EIF4E3: variants seen among roughly 807,000 people sequenced by gnomAD.
The protein encoded by EIF4E3 is eukaryotic translation initiation factor 4E family member 3.
EIF4E3 carries 26 observed loss-of-function variants against 31.7 expected under a neutral mutation model. The ratio of observed to expected loss-of-function variants is 0.82; its 90% CI spans 0.60 to 1.14. The LOEUF (loss-of-function observed/expected upper bound fraction) is 1.14. EIF4E3 is among the 50% of genes most tolerant of loss of function. The pLI is 0.00. For missense variants in EIF4E3, 304 were observed against 270.9 expected (o/e 1.12, Z -0.86); for synonymous variants, 128 against 107.7 (o/e 1.19, Z -1.17).
At chr3:71,721,366 T>C (rs2049545661) in intron 1 of EIF4E3, among the ~76,000 whole-genome samples, 1 of 152,104 alleles carries the variant, frequency 6.6e-6, no homozygotes, top group South Asian at 2.1e-4. Flanking sequence ...ATGGTGGTAA[T>C]GCTATGGAGA....
Position 71,725,203 on chromosome 3 carries a change from G to C in EIF4E3, c.165C>G (p.Phe55Leu). ...GGVPLHSSWT[F>L]WLDRSLPGAT... is the part of the protein sequence containing the mutation. The stretch of plus-strand genomic sequence containing the variant: ...CCGCGCCCCCTCACCTGTCGAGCCA[G>C]AAGGTCCAGGACGAGTGCAGCGGGA... The change falls in exon 1 of 7, where the codon TTC becomes TTG. Residue 55 changes from phenylalanine to leucine, a missense_variant. Coordinates refer to ENST00000425534, the MANE Select transcript of EIF4E3 (RefSeq NM_001134651.2). This position sits in a 1 kb window ranked among gnomAD's most constrained non-coding sequence, Gnocchi z 6.1. 8.9e-7 allele frequency: 1 copy of C among 1,124,790 alleles called. No individual in the cohort carries two copies. The highest frequency in any genetic ancestry group is 1.1e-6 in the Non-Finnish European group (1 of 916,180). The allele number at this position is 1,124,790 out of a possible 1,614,324, so 69.7% of individuals were successfully genotyped here. A position where few individuals can be genotyped will look rare whatever the true frequency, so the allele number is the denominator to read the frequency against.
chr3:71,716,164 C>T (rs1185581277), intron 1 of EIF4E3, among the ~76,000 whole-genome samples: 1 of 150,746 alleles, frequency 6.6e-6, no homozygotes, highest in Non-Finnish European at 1.5e-5. Context: ...GAATCCCTGG[C>T]AAAAAAAATA....
At chr3:71,713,188 G>C (rs995358195) in intron 1 of EIF4E3, among the ~76,000 whole-genome samples, 7 of 152,188 alleles carry the variant, frequency 4.6e-5, no homozygotes, top group African/African-American at 1.4e-4. Flanking sequence ...TATTTATGCA[G>C]CTGTCAATAT....
At chr3:71,746,476 A>G (rs939876205) in intron 1 of EIF4E3, among the ~76,000 whole-genome samples, 1 of 152,226 alleles carries the variant, frequency 6.6e-6, no homozygotes, top group Non-Finnish European at 1.5e-5. Context: ...CCTTATGCAC[A>G]TGATCATATG....
rs369665822 is a variant in EIF4E3 at position 71,675,670 on chromosome 3, A to T, written c.*9012T>A. 2.6e-5 allele frequency: 4 copies of T among 152,324 alleles called. No individual in the cohort carries two copies. The highest frequency in any genetic ancestry group is 9.6e-5 in the African/African-American group (4 of 41,580). The allele number at this position is 152,324 out of a possible 1,614,324, so 9.4% of individuals were successfully genotyped here. On this transcript the variant is annotated 3_prime_UTR_variant, in exon 7 of 7. Coordinates refer to ENST00000425534, the MANE Select transcript of EIF4E3 (RefSeq NM_001134651.2). Reference sequence around the variant, plus strand: ...TTGTGTGACCTTGAACGAATTCTTTATACTTTCTGGGTCATTTCTTCATCT... The same window carrying T: ...TTGTGTGACCTTGAACGAATTCTTTTTACTTTCTGGGTCATTTCTTCATCT...
the EIF4E3 span, among the ~76,000 whole-genome samples, chr3:71,669,640 C>A: frequency 1.3e-5 from 2 of 151,768 alleles, no homozygotes; most frequent in Non-Finnish European, 2.9e-5. Context: ...CAGAAATCTT[C>A]CCAGACTCTG....
intron 1 of EIF4E3, among the ~76,000 whole-genome samples, chr3:71,711,810 C>A (rs1461615671): frequency 2.0e-5 from 3 of 152,098 alleles, no homozygotes; most frequent in African/African-American, 7.2e-5. Context: ...AAACCCACCT[C>A]TACTAAAATT....
chr3:71,714,242 AAAGGAAGGAAGGAAGG>A (rs751022382), intron 1 of EIF4E3, among the ~76,000 whole-genome samples: 2 of 131,938 alleles, frequency 1.5e-5, no homozygotes, highest in East Asian at 2.4e-4. Flanking sequence ...GGGAAGAAGG[AAAGGAAGGAAGGAAGG>A]AAGGAAGGAA....
intron 1 of EIF4E3, among the ~76,000 whole-genome samples, chr3:71,716,241 T>G (rs557247037): frequency 6.6e-6 from 1 of 152,064 alleles, no homozygotes; most frequent in East Asian, 1.9e-4. Context: ...TTTTATCCTT[T>G]TTTTTTTTGG....
At chr3:71,673,892 AAAT>A (rs1171566661), downstream of EIF4E3, among the ~76,000 whole-genome samples, 3 of 146,204 alleles carry the variant, frequency 2.1e-5, no homozygotes. Context: ...GCCAGGATTA[AAAT>A]AATAATATAA....
intron 1 of EIF4E3, among the ~76,000 whole-genome samples, chr3:71,721,641 C>T (rs975751077): frequency 2.0e-5 from 3 of 151,992 alleles, no homozygotes; most frequent in African/African-American, 7.3e-5. Context: ...TGGCATTTAC[C>T]CTGCTTGCAC....
At chr3:71,738,259 A>G (rs943872445) in intron 1 of EIF4E3, among the ~76,000 whole-genome samples, 2 of 152,226 alleles carry the variant, frequency 1.3e-5, no homozygotes, top group African/African-American at 4.8e-5. Context: ...ATGCCAGCCA[A>G]ATGCAACAGA....
At chr3:71,670,250 T>C in the EIF4E3 span, among the ~76,000 whole-genome samples, 1 of 152,314 alleles carries the variant, frequency 6.6e-6, no homozygotes, top group South Asian at 2.1e-4. Flanking sequence ...CTACATTTTC[T>C]TTAGAAAATT....
chr3:71,698,127 C>T (rs1190361390), intron 3 of EIF4E3, among the ~76,000 whole-genome samples: 1 of 152,172 alleles, frequency 6.6e-6, no homozygotes, highest in Non-Finnish European at 1.5e-5. Context: ...TAAGATTGGG[C>T]ATTTTTCAAT....
rs558571688 is a variant in EIF4E3 at position 71,682,123 on chromosome 3, A to G, written c.*2559T>C. 1 of 152,352 alleles carries G rather than the reference A, an allele frequency of 6.6e-6. No individual in the cohort carries two copies. Among genetic ancestry groups the G allele is most frequent in the South Asian group, 2.1e-4 (1 of 4,826 alleles). The allele number at this position is 152,352 out of a possible 1,614,324, so 9.4% of individuals were successfully genotyped here. On this transcript the variant is annotated 3_prime_UTR_variant, in exon 7 of 7. Coordinates refer to ENST00000425534, the MANE Select transcript of EIF4E3 (RefSeq NM_001134651.2). ...GGTATTATTTGTCCTTACTTTCCCA[A>G]TGTAGGCAAGTGCCTGTGATATAAC...
upstream of EIF4E3, among the ~76,000 whole-genome samples, chr3:71,729,425 G>C (rs915660363): frequency 6.6e-6 from 1 of 152,162 alleles, no homozygotes; most frequent in Non-Finnish European, 1.5e-5. Context: ...AACATGGGAG[G>C]GAATTGGCCA....
intron 1 of EIF4E3, among the ~76,000 whole-genome samples, chr3:71,738,781 A>G (rs2049790350): frequency 6.6e-6 from 1 of 152,042 alleles, no homozygotes; most frequent in Non-Finnish European, 1.5e-5. Context: ...TATACAAGAA[A>G]TGAACAACAA....
chr3:71,730,858 T>G (rs1328609789), intron 1 of EIF4E3, among the ~76,000 whole-genome samples: 2 of 152,066 alleles, frequency 1.3e-5, no homozygotes, highest in Non-Finnish European at 2.9e-5. Context: ...GCTTCCCCAG[T>G]AGCTACAAGC....
chr3:71,689,866 A>AG, intron 6 of EIF4E3, 144 bp downstream of exon 6: 1 of 836,088 alleles, frequency 1.2e-6, no homozygotes. Flanking sequence ...AAAAAAAAAA[A>AG]AACTTAAATG....
Sources: gnomAD v4.1 joint callset for allele counts (sites outside exome capture counted in the v4.1 genomes callset) on GRCh38, gnomAD v4.1.1 for gene constraint, Gnocchi (gnomAD v3.1) non-coding constraint, MANE v1.5 for transcripts, NCBI Gene and HGNC (gene_info 2026-07-23, HGNC 2026-07-21) for gene names.